ZNF57: variants seen among roughly 807,000 people sequenced by gnomAD.
The protein encoded by ZNF57 is zinc finger protein 57, also known as zinc finger protein 424.
Under a neutral mutation model 13.4 loss-of-function variants are expected in ZNF57, and 11 were observed. The observed-to-expected ratio is 0.82, with a 90% confidence interval of 0.52 to 1.36. The LOEUF (loss-of-function observed/expected upper bound fraction) is 1.36, where lower values mean the gene tolerates loss of function less well. ZNF57 is among the 40% of genes most tolerant of loss of function. The probability of loss-of-function intolerance (pLI) is 0.00; values close to 1 mark genes in which losing one functional copy is unlikely to be tolerated. For missense variants in ZNF57, 696 were observed against 667.5 expected (o/e 1.04, Z -0.47); for synonymous variants, 224 against 238.5 (o/e 0.94, Z 0.56).
intron 3 of ZNF57, 188 bp from the exon 4 acceptor site, chr19:2,916,736 G>C (rs1468184844): frequency 2.2e-6 from 1 of 458,086 alleles, no homozygotes; most frequent in African/African-American, 2.0e-5. Context: ...TAAATAAAAA[G>C]AAATTACAGG....
chr19:2,908,147 A>G (rs989608370), intron 1 of ZNF57, among the ~76,000 whole-genome samples: 1 of 152,194 alleles, frequency 6.6e-6, no homozygotes, highest in African/African-American at 2.4e-5. Context: ...ACATAATGCA[A>G]TTTCTTGGAA....
intron 1 of ZNF57, among the ~76,000 whole-genome samples, chr19:2,905,150 T>G (rs1322384488): frequency 1.3e-5 from 2 of 152,092 alleles, no homozygotes; most frequent in Non-Finnish European, 2.9e-5. Flanking sequence ...ATCCTGACGA[T>G]ACCATCCTCT....
At chr19:2,903,373 G>A (rs2088045478) in intron 1 of ZNF57, among the ~76,000 whole-genome samples, 2 of 152,012 alleles carry the variant, frequency 1.3e-5, no homozygotes, top group South Asian at 2.1e-4. Flanking sequence ...CACCACGACC[G>A]GCTAATTTTT....
At chr19:2,916,718 AAAAT>A (rs992183092) in intron 3 of ZNF57, 8 of 413,544 alleles carry the variant, frequency 1.9e-5, no homozygotes, top group East Asian at 4.1e-5. Context: ...TCCATCTCAA[AAAAT>A]AAATAAATAA....
chr19:2,913,650 ATACT>A (rs2088160771), intron 1 of ZNF57, among the ~76,000 whole-genome samples: 1 of 150,844 alleles, frequency 6.6e-6, no homozygotes. Context: ...GTCAGAGAAC[ATACT>A]TATTTCTGGT....
Position 2,918,076 on chromosome 19 carries a change from C to T in ZNF57, c.1455C>T (p.Phe485=), listed in dbSNP as rs772047360. 1 of 1,614,148 alleles carries T rather than the reference C, an allele frequency of 6.2e-7. No homozygotes were observed. The highest frequency in any genetic ancestry group is 2.2e-5 in the East Asian group (1 of 44,882). Residue 485 remains phenylalanine, a synonymous_variant, in exon 4 of 4, where the codon TTC becomes TTT. Transcript: ENST00000306908. ...PYECKQCGKT[F]TWSSTLHNHV... ...AGTGTAAACAATGTGGAAAAACCTT[C>T]ACTTGGTCCTCAACCTTACATAATC...
Position 2,917,030 on chromosome 19 carries a change from G to A in ZNF57, c.409G>A (p.Glu137Lys), listed in dbSNP as rs1232453952. ...CCTGCACAAGAAAGTTTCTGCTGGA[G>A]AAAAACCATATGAATGCACCAAGTG... Reference protein sequence around the residue: ...LTLHKKVSAGEKPYECTKCRT... With the variant: ...LTLHKKVSAGKKPYECTKCRT... Residue 137 changes from glutamate to lysine, a missense_variant, in exon 4 of 4, where the codon GAA (glutamate) becomes AAA (lysine). Glu to Lys is a moderately conservative substitution (Grantham distance 56). Transcript: ENST00000306908. 6.2e-7 allele frequency: 1 copy of A among 1,614,138 alleles called. No individual in the cohort carries two copies. Among genetic ancestry groups the A allele is most frequent in the South Asian group, 1.1e-5 (1 of 91,084 alleles).
In ZNF57 at chr19:2,901,054, T is replaced by G. The variant is rs764393208; in HGVS notation, c.3+6T>G. On this transcript the variant is annotated splice_donor_region_variant and intron_variant, in intron 1 of 3. Transcript: ENST00000306908. Reference sequence around the variant, plus strand: ...CCAGGAGCAGGGGAGACATGGTGAGTGCGAGGCAGGAGCAGAGCCAGGGGA... The same window carrying G: ...CCAGGAGCAGGGGAGACATGGTGAGGGCGAGGCAGGAGCAGAGCCAGGGGA... 3.2e-6 allele frequency: 5 copies of G among 1,557,972 alleles called. No individual in the cohort carries two copies. The highest frequency in any genetic ancestry group is 3.5e-6 in the Non-Finnish European group (4 of 1,150,598).
chr19:2,903,328 CAGCCTCCCGAGT>C (rs2088045026), intron 1 of ZNF57, among the ~76,000 whole-genome samples: 1 of 152,128 alleles, frequency 6.6e-6, no homozygotes, highest in African/African-American at 2.4e-5. Flanking sequence ...TCTCCTGCCT[CAGCCTCCCGAGT>C]AGCTGGGATT....
intron 1 of ZNF57, among the ~76,000 whole-genome samples, chr19:2,904,510 G>T (rs1356523014): frequency 6.6e-6 from 1 of 151,564 alleles, no homozygotes; most frequent in Non-Finnish European, 1.5e-5. Context: ...CCCAGCCAAA[G>T]TTTTTTTTGT....
At chr19:2,916,345 C>T in intron 3 of ZNF57, 96 bp downstream of exon 3, 1 of 1,215,720 alleles carries the variant, frequency 8.2e-7, no homozygotes, top group African/African-American at 1.6e-5. Flanking sequence ...TTTGTTTATT[C>T]CTCAGAATTT....
intron 1 of ZNF57, among the ~76,000 whole-genome samples, chr19:2,903,778 G>A (rs1461808569): frequency 2.0e-5 from 3 of 150,512 alleles, no homozygotes; most frequent in Non-Finnish European, 3.0e-5. Context: ...GCAGTGGTGC[G>A]ATCTCGGCTC....
At chr19:2,901,434 C>T (rs1201743179) in intron 1 of ZNF57, among the ~76,000 whole-genome samples, 2 of 152,012 alleles carry the variant, frequency 1.3e-5, no homozygotes, top group African/African-American at 4.8e-5. Flanking sequence ...GTGTGAGCCA[C>T]AAGGCTGTTT....
intron 1 of ZNF57, among the ~76,000 whole-genome samples, chr19:2,911,494 T>C (rs1266781989): frequency 6.6e-5 from 10 of 151,718 alleles, no homozygotes; most frequent in African/African-American, 2.4e-4. Flanking sequence ...GATTGTGTCA[T>C]CGCACTCCAG....
chr19:2,902,416 T>C lies in ZNF57; in HGVS notation c.3+1368T>C, dbSNP rs532511163. ...TTCTGGTCCGTCAGGATAACACCTG[T>C]TTATCGTGGGGTACAGGCTAAGCAT... On this transcript the variant is annotated intron_variant, in intron 1 of 3. Coordinates refer to ENST00000306908, the MANE Select transcript of ZNF57 (RefSeq NM_173480.3). Among the ~76,000 whole-genome samples, 5 of 152,178 alleles carry C rather than the reference T, an allele frequency of 3.3e-5. No homozygotes were observed. The East Asian group carries it at 9.6e-4, about 29-fold the overall frequency.
intron 1 of ZNF57, among the ~76,000 whole-genome samples, chr19:2,901,456 T>A (rs1449054421): frequency 6.6e-6 from 1 of 152,010 alleles, no homozygotes; most frequent in African/African-American, 2.4e-5. Context: ...CTCACTTGGG[T>A]GCAAGTGGGC....
Position 2,918,347 on chromosome 19 carries a change from A to G in ZNF57, c.*58A>G. Reference sequence around the variant, plus strand: ...CACATTAATTCATGTATAATGCTCCAGAAAATTCACACCAGGAGAGAAATC... The same window carrying G: ...CACATTAATTCATGTATAATGCTCCGGAAAATTCACACCAGGAGAGAAATC... On this transcript the variant is annotated 3_prime_UTR_variant, in exon 4 of 4. Coordinates refer to ENST00000306908, the MANE Select transcript of ZNF57 (RefSeq NM_173480.3). 6.6e-7 allele frequency: 1 copy of G among 1,503,850 alleles called. No homozygotes were observed. Among genetic ancestry groups the G allele is most frequent in the African/African-American group, 1.4e-5 (1 of 71,626 alleles). 93.2% of individuals were successfully genotyped at this position (1,503,850 alleles called of 1,614,324 possible).
intron 1 of ZNF57, among the ~76,000 whole-genome samples, chr19:2,901,678 G>A (rs1022613975): frequency 6.6e-6 from 1 of 151,962 alleles, no homozygotes; most frequent in African/African-American, 2.4e-5. Flanking sequence ...CCGCCCTCAC[G>A]CCCGGCTAAT....
intron 1 of ZNF57, among the ~76,000 whole-genome samples, chr19:2,906,575 C>G (rs1466119585): frequency 1.3e-5 from 2 of 152,198 alleles, no homozygotes; most frequent in African/African-American, 2.4e-5. Flanking sequence ...TTTGCCGAAA[C>G]CGCCCCCTCC....
Sources: gnomAD v4.1 joint callset for allele counts (sites outside exome capture counted in the v4.1 genomes callset) on GRCh38, gnomAD v4.1.1 for gene constraint, MANE v1.5 for transcripts, NCBI Gene and HGNC (gene_info 2026-07-23, HGNC 2026-07-21) for gene names.